CCDC200: variants seen among roughly 807,000 people sequenced by gnomAD.
CCDC200 encodes the protein coiled-coil domain containing 200.
At chr17:43,223,484 A>ACACACACACACACACACC (rs1406088311) in intron 3 of CCDC200, 72 bp downstream of exon 3, 1 of 141,844 alleles carries the variant, frequency 7.1e-6, no homozygotes, top group Non-Finnish European at 1.6e-5. Flanking sequence ...ACACACTCAC[A>ACACACACACACACACACC]CTCTCTCTCT....
chr17:43,222,722 T>C (rs1217028166), intron 3 of CCDC200, among the ~76,000 whole-genome samples: 2 of 151,326 alleles, frequency 1.3e-5, no homozygotes, highest in Non-Finnish European at 2.9e-5. Flanking sequence ...CCAAGTAGCT[T>C]GGACTCCAGG....
Position 43,223,237 on chromosome 17 carries a change from TTTTTTTCAA to T in CCDC200, c.480+310_480+318del, listed in dbSNP as rs1240682415. On this transcript the variant is annotated intron_variant, in intron 3 of 3. Coordinates refer to ENST00000636331, the MANE Select transcript of CCDC200 (RefSeq NM_001363254.2). Reference sequence around the variant, plus strand: ...TTGGCTTTTTTTCAATTTTTTTCAATTTTTTTCAATTTTTTTTTTTTTTTGGAGATGTCT... The same window carrying T: ...TTGGCTTTTTTTCAATTTTTTTCAATTTTTTTTTTTTTTTTGGAGATGTCT... Among the ~76,000 whole-genome samples the T allele has an allele frequency of 1.3e-4, 11 of 81,684 alleles. No individual in the cohort carries two copies. The South Asian group carries it at 1.8e-3, about 13-fold the overall frequency. The allele number at this position is 81,684 out of a possible 152,430, so 53.6% of individuals were successfully genotyped here. A position where few individuals can be genotyped will look rare whatever the true frequency, so the allele number is the denominator to read the frequency against.
chr17:43,222,550 G>A (rs2057539885), intron 3 of CCDC200, among the ~76,000 whole-genome samples: 1 of 151,432 alleles, frequency 6.6e-6, no homozygotes, highest in East Asian at 2.0e-4. Context: ...TTTATGGATA[G>A]CGCTGAGCAA....
At chr17:43,223,424 C>T (rs2057546772) in intron 3 of CCDC200, 132 bp downstream of exon 3, 1 of 127,784 alleles carries the variant, frequency 7.8e-6, no homozygotes. Flanking sequence ...TTCTAGTCTC[C>T]TCCCCTTACT....
intron 1 of CCDC200, among the ~76,000 whole-genome samples, chr17:43,227,265 C>T (rs1392757661): frequency 6.6e-6 from 1 of 151,702 alleles, no homozygotes; most frequent in South Asian, 2.1e-4. Flanking sequence ...AGGTGTGAGC[C>T]ACTGTGCCCG....
At chr17:43,223,697 G>C (rs2057549420) in intron 2 of CCDC200, 83 bp from the exon 3 acceptor site, 1 of 152,594 alleles carries the variant, frequency 6.6e-6, no homozygotes, top group Non-Finnish European at 1.5e-5. Flanking sequence ...CTTGTGTCTG[G>C]TGACCCAGGG....
chr17:43,226,795 A>G (rs1484736770), intron 1 of CCDC200, among the ~76,000 whole-genome samples: 1 of 152,186 alleles, frequency 6.6e-6, no homozygotes, highest in African/African-American at 2.4e-5. Flanking sequence ...TTCAAAACCT[A>G]GCTTGAATTT....
upstream of CCDC200, among the ~76,000 whole-genome samples, chr17:43,231,041 G>T (rs1206059908): frequency 2.1e-5 from 2 of 97,112 alleles, 1 homozygote; most frequent in Non-Finnish European, 5.5e-5. Context: ...CACTTTGGGA[G>T]GCGGCAGGCA....
intron 3 of CCDC200, among the ~76,000 whole-genome samples, chr17:43,222,619 C>T (rs550628474): frequency 6.7e-6 from 1 of 148,566 alleles, no homozygotes; most frequent in African/African-American, 2.5e-5. Flanking sequence ...CAGGGAGGGT[C>T]TCACTCTGTT....
chr17:43,227,160 G>C (rs1386896777), intron 1 of CCDC200, among the ~76,000 whole-genome samples: 1 of 151,782 alleles, frequency 6.6e-6, no homozygotes, highest in East Asian at 1.9e-4. Context: ...TGTATTTTTA[G>C]TAGAGATGGG....
intron 1 of CCDC200, chr17:43,224,987 C>T (rs746297974): frequency 3.3e-5 from 5 of 151,962 alleles, no homozygotes; most frequent in Admixed American, 6.6e-5. Flanking sequence ...GCCTCAGCTT[C>T]GCAAGTAGCT....
intron 1 of CCDC200, among the ~76,000 whole-genome samples, chr17:43,225,488 C>G (rs1468854613): frequency 1.3e-5 from 2 of 148,476 alleles, no homozygotes; most frequent in Non-Finnish European, 3.0e-5. Flanking sequence ...CATGGTGAAA[C>G]CCCGTCTCTA....
At chr17:43,226,884 G>C (rs567578213) in intron 1 of CCDC200, among the ~76,000 whole-genome samples, 1 of 152,064 alleles carries the variant, frequency 6.6e-6, no homozygotes, top group East Asian at 1.9e-4. Context: ...TAAATTTACA[G>C]TTGAAAAAGT....
At chr17:43,230,849 C>T (rs1598042600), upstream of CCDC200, among the ~76,000 whole-genome samples, 1 of 92,418 alleles carries the variant, frequency 1.1e-5, no homozygotes, top group African/African-American at 2.8e-5. Flanking sequence ...GACGTAGTGG[C>T]AGGTGCCTGT....
chr17:43,227,216 T>A (rs1191142238), intron 1 of CCDC200, among the ~76,000 whole-genome samples: 2 of 151,368 alleles, frequency 1.3e-5, no homozygotes, highest in African/African-American at 4.8e-5. Flanking sequence ...TGACCACAGG[T>A]GATCCACCTG....
At chr17:43,223,246 A>ATTTTT (rs1382906549) in intron 3 of CCDC200, among the ~76,000 whole-genome samples, 922 of 84,824 alleles carry the variant, frequency 0.011, 87 homozygotes, top group Non-Finnish European at 0.013. Context: ...ATTTTTTTCA[A>ATTTTT]TTTTTTTTTT....
chr17:43,222,576 C>T (rs1372891153), intron 3 of CCDC200, among the ~76,000 whole-genome samples: 1 of 149,384 alleles, frequency 6.7e-6, no homozygotes, highest in Non-Finnish European at 1.5e-5. Context: ...CATCCATACC[C>T]AGGCATTTTT....
upstream of CCDC200, among the ~76,000 whole-genome samples, chr17:43,230,801 A>C (rs1277471248): frequency 2.3e-5 from 2 of 86,370 alleles, 1 homozygote; most frequent in Admixed American, 2.8e-4. Flanking sequence ...TAACACGGTG[A>C]ATCCCCGTCT....
At chr17:43,225,387 G>A (rs149153680) in intron 1 of CCDC200, among the ~76,000 whole-genome samples, 18,997 of 151,274 alleles carry the variant, frequency 0.13, 1,543 homozygotes, top group Non-Finnish European at 0.19. Context: ...ATGCTGGGCC[G>A]GACGCGGTGG....
Sources: gnomAD v4.1 joint callset for allele counts (sites outside exome capture counted in the v4.1 genomes callset) on GRCh38, gnomAD v4.1.1 for gene constraint, MANE v1.5 for transcripts, NCBI Gene and HGNC (gene_info 2026-07-23, HGNC 2026-07-21) for gene names.